RALGAPB: variants seen among roughly 807,000 people sequenced by gnomAD.
RALGAPB encodes Ral GTPase activating protein non-catalytic subunit beta.
Under a neutral mutation model 161.1 loss-of-function variants are expected in RALGAPB, and 25 were observed. That is an observed-to-expected ratio of 0.16 (90% confidence interval 0.11 to 0.22). RALGAPB has a LOEUF of 0.22. Among genes scored for constraint, RALGAPB ranks in the 10% least tolerant of loss-of-function variants. The probability of loss-of-function intolerance (pLI) is 1.00; values close to 1 mark genes in which losing one functional copy is unlikely to be tolerated. For missense variants in RALGAPB, 1,391 were observed against 1,815.2 expected (o/e 0.77, Z 4.25); for synonymous variants, 629 against 626.1 (o/e 1.00, Z -0.07).
chr20:38,561,628 G>T lies in RALGAPB; in HGVS notation c.3532-904G>T, dbSNP rs543666134. 2.0e-5 allele frequency among the ~76,000 whole-genome samples: 3 copies of T among 152,298 alleles called. No individual in the cohort carries two copies. The East Asian group carries it at 5.8e-4, about 29-fold the overall frequency. Reference sequence around the variant, plus strand: ...TTTAGGAGATTTCCCAGATGATTTTGATATACTCTGCTCTCTACCCTCCCC... The same window carrying T: ...TTTAGGAGATTTCCCAGATGATTTTTATATACTCTGCTCTCTACCCTCCCC... On this transcript the variant is annotated intron_variant, in intron 23 of 29. Coordinates refer to ENST00000262879, the MANE Select transcript of RALGAPB (RefSeq NM_020336.4).
rs2145566362 is a variant in RALGAPB, at chr20:38,577,519, A to G, written c.*2552A>G. On this transcript the variant is annotated 3_prime_UTR_variant, in exon 30 of 30. Transcript: ENST00000262879. ...AGGTGGTAAGTAAGGTTTCCCTTCT[A>G]CTGCCTTCTTAAGTTGCAGGAGGGA... The G allele has an allele frequency of 6.6e-6, 1 of 152,166 alleles. No homozygotes were observed. The highest frequency in any genetic ancestry group is 2.1e-4 in the South Asian group (1 of 4,818). The allele number at this position is 152,166 out of a possible 1,614,324, so 9.4% of individuals were successfully genotyped here.
At chr20:38,509,341 C>A in intron 6 of RALGAPB, 133 bp downstream of exon 6, 3 of 993,744 alleles carry the variant, frequency 3.0e-6, no homozygotes, top group Non-Finnish European at 4.5e-6. Context: ...TCCAGCTGGA[C>A]AACAAGCACA....
intron 20 of RALGAPB, among the ~76,000 whole-genome samples, chr20:38,549,419 G>A (rs548521041): frequency 2.6e-5 from 4 of 151,422 alleles, no homozygotes; most frequent in South Asian, 4.2e-4. Flanking sequence ...TGTAGAGATA[G>A]GGTCTTGCTT....
In RALGAPB at chr20:38,526,056, C is replaced by G. The variant is rs370825849; in HGVS notation, c.2050+14C>G. ...AAATGATATTAGGTTTGTATTCACACGTTATTTTGTAAGTGAAACCAAAGT... is the reference window on the plus strand; with the variant it reads ...AAATGATATTAGGTTTGTATTCACAGGTTATTTTGTAAGTGAAACCAAAGT... On this transcript the variant is annotated intron_variant, in intron 13 of 29. Transcript: ENST00000262879. 4 of 1,612,826 alleles carry G rather than the reference C, an allele frequency of 2.5e-6. No individual in the cohort carries two copies. The highest frequency in any genetic ancestry group is 3.4e-6 in the Non-Finnish European group (4 of 1,179,576).
chr20:38,560,977 G>A (rs998569977), intron 23 of RALGAPB, among the ~76,000 whole-genome samples: 21 of 152,188 alleles, frequency 1.4e-4, no homozygotes, highest in African/African-American at 4.8e-4. Context: ...TCAGTTTCTT[G>A]GCGTCCATAA....
At chr20:38,569,624 T>C (rs1245043085) in intron 26 of RALGAPB, 1 of 377,136 alleles carries the variant, frequency 2.7e-6, no homozygotes, top group Non-Finnish European at 4.9e-6. Flanking sequence ...AATTTTGTTT[T>C]TATTAATGCA....
intron 16 of RALGAPB, among the ~76,000 whole-genome samples, chr20:38,539,438 G>A (rs1054986669): frequency 6.6e-6 from 1 of 152,202 alleles, no homozygotes; most frequent in African/African-American, 2.4e-5. Context: ...GCAGAGCCTA[G>A]TGCATCACTG....
intron 6 of RALGAPB, among the ~76,000 whole-genome samples, chr20:38,512,735 T>C (rs900729355): frequency 6.6e-6 from 1 of 152,176 alleles, no homozygotes; most frequent in Non-Finnish European, 1.5e-5. Context: ...CCTGGTTTCC[T>C]AAGCAGTTAA....
chr20:38,476,376 TCTAA>T (rs1214956619), intron 1 of RALGAPB, among the ~76,000 whole-genome samples: 2 of 152,200 alleles, frequency 1.3e-5, no homozygotes, highest in Non-Finnish European at 1.5e-5. Context: ...GGAGTTTCAT[TCTAA>T]CTTTTTATAG....
intron 18 of RALGAPB, among the ~76,000 whole-genome samples, chr20:38,542,213 T>A (rs944358059): frequency 6.6e-6 from 1 of 152,156 alleles, no homozygotes; most frequent in African/African-American, 2.4e-5. Flanking sequence ...CAAGTTAGTG[T>A]GGGCTGGGGC....
Position 38,551,496 on chromosome 20 carries a change from T to C in RALGAPB, c.3162+273T>C, listed in dbSNP as rs189799685. On this transcript the variant is annotated intron_variant, in intron 21 of 29. Transcript: ENST00000262879. ...TGATCAGACTCTGGTAGTAGAGTTA[T>C]TTGGAAAAGGAAGACCAGTTCAGAG... 1.6e-3 allele frequency among the ~76,000 whole-genome samples: 246 copies of C among 152,290 alleles called. 1 individual carries two copies. The highest frequency in any genetic ancestry group is 2.1e-3 in the Non-Finnish European group (144 of 68,024).
At chr20:38,513,956 G>A (rs1252829144) in intron 6 of RALGAPB, among the ~76,000 whole-genome samples, 3 of 152,162 alleles carry the variant, frequency 2.0e-5, no homozygotes, top group Non-Finnish European at 4.4e-5. Context: ...TTCCTTAAGA[G>A]TTTGAAATAA....
chr20:38,499,464 C>A lies in RALGAPB; in HGVS notation c.571C>A (p.Leu191Ile). The part of the protein sequence containing the change: ...PTVQGGIAEN[L>I]AEKLIGVLFE... ...TTGGTAAGGTGGCATTGCTGAGAAT[C>A]TAGCAGAGAAGTTGATTGGTGTTCT... The change falls in exon 5 of 30, where the codon CTA becomes ATA. Residue 191 changes from leucine (L) to isoleucine (I), a missense_variant. Leu to Ile is a conservative substitution (Grantham distance 5, BLOSUM62 2). Transcript: ENST00000262879. The A allele has an allele frequency of 1.2e-6, 2 of 1,607,564 alleles. No individual in the cohort carries two copies. Among genetic ancestry groups the A allele is most frequent in the Non-Finnish European group, 1.7e-6 (2 of 1,177,142 alleles).
At chr20:38,495,927 T>C (rs548836551) in intron 3 of RALGAPB, among the ~76,000 whole-genome samples, 23 of 152,314 alleles carry the variant, frequency 1.5e-4, no homozygotes, top group African/African-American at 5.5e-4. Context: ...GTAGGAGGCA[T>C]GCACTCTTGG....
intron 1 of RALGAPB, among the ~76,000 whole-genome samples, chr20:38,487,227 T>C (rs2085141202): frequency 6.6e-6 from 1 of 152,216 alleles, no homozygotes; most frequent in South Asian, 2.1e-4. Context: ...TCAGTAGTTC[T>C]TTGTGGCCAT....
intron 1 of RALGAPB, among the ~76,000 whole-genome samples, chr20:38,486,753 C>G (rs1248255255): frequency 6.6e-6 from 1 of 152,128 alleles, no homozygotes; most frequent in Non-Finnish European, 1.5e-5. Flanking sequence ...TAGCTTCAAA[C>G]AAGTGAACAT....
At chr20:38,509,914 T>TA (rs1239159322) in intron 6 of RALGAPB, among the ~76,000 whole-genome samples, 10 of 152,204 alleles carry the variant, frequency 6.6e-5, no homozygotes, top group Non-Finnish European at 1.2e-4. Context: ...AATCTTTTTT[T>TA]ATCATTTCTT....
chr20:38,558,315 A>C lies in RALGAPB; in HGVS notation c.3393A>C (p.Leu1131=), dbSNP rs571723675. Residue 1131 remains leucine, a synonymous_variant, in exon 23 of 30, where the codon CTA becomes CTC. Transcript: ENST00000262879. ...GGCAGGAACCTGCAAATAGTCGTCTACCTCCTCACCTTATTGCACTTGATT... is the reference window on the plus strand; with the variant it reads ...GGCAGGAACCTGCAAATAGTCGTCTCCCTCCTCACCTTATTGCACTTGATT... ...EALKEPANSR[L]PPHLIALDST... is the part of the protein sequence containing the mutation. The C allele has an allele frequency of 4.5e-6, 7 of 1,548,776 alleles. No homozygotes were observed. In the South Asian group the frequency reaches 7.6e-5, roughly 17 times the overall value.
At chr20:38,502,267 ATC>A (rs576177400) in intron 5 of RALGAPB, among the ~76,000 whole-genome samples, 1 of 152,206 alleles carries the variant, frequency 6.6e-6, no homozygotes, top group African/African-American at 2.4e-5. Context: ...TAAATAGTGT[ATC>A]TCAGTAAAAA....
Sources: allele counts gnomAD v4.1 joint callset (sites outside exome capture counted in the v4.1 genomes callset), GRCh38; gene constraint gnomAD v4.1.1; transcripts MANE v1.5; gene names NCBI Gene and HGNC (gene_info 2026-07-23, HGNC 2026-07-21).